Variants in GRIN2B observed in about 807,000 individuals in gnomAD.
The protein encoded by GRIN2B is glutamate ionotropic receptor NMDA type subunit 2B.
Under a neutral mutation model 114.5 loss-of-function variants are expected in GRIN2B, and 5 were observed. The ratio of observed to expected loss-of-function variants is 0.04; its 90% CI spans 0.02 to 0.09. GRIN2B has a LOEUF of 0.09. GRIN2B is among the 10% of genes least tolerant of loss of function. The pLI, the probability that GRIN2B is intolerant of heterozygous loss-of-function variation, is 1.00. For missense variants in GRIN2B, 1,108 were observed against 1,943.5 expected (o/e 0.57, Z 8.08); for synonymous variants, 787 against 745.1 (o/e 1.06, Z -0.92).
intron 3 of GRIN2B, among the ~76,000 whole-genome samples, chr12:13,774,577 T>G (rs1485490587): frequency 6.6e-6 from 1 of 152,186 alleles, no homozygotes; most frequent in Non-Finnish European, 1.5e-5. Flanking sequence ...TCTTGCAAAA[T>G]CAAGTGTACA....
In GRIN2B at chr12:13,615,032, C is replaced by A. The variant is rs1228602046; in HGVS notation, c.1654+82G>T. 1.0e-5 allele frequency: 13 copies of A among 1,267,992 alleles called. No individual in the cohort carries two copies. Among genetic ancestry groups the A allele is most frequent in the Non-Finnish European group, 1.5e-5 (13 of 865,132 alleles). The allele number at this position is 1,267,992 out of a possible 1,614,324, so 78.5% of individuals were successfully genotyped here. On this transcript the variant is annotated intron_variant, in intron 8 of 13. Coordinates refer to ENST00000609686, the MANE Select transcript of GRIN2B (RefSeq NM_000834.5). This position sits in a 1 kb window ranked among gnomAD's most constrained non-coding sequence, Gnocchi z 5.8. ...GCAAACCACCTTCTAGCTGGAACAGCCTGGCCATGTGCTCCTTTTTTCCTT... is the reference window on the plus strand; with the variant it reads ...GCAAACCACCTTCTAGCTGGAACAGACTGGCCATGTGCTCCTTTTTTCCTT...
chr12:13,897,128 G>T (rs534367045), intron 2 of GRIN2B, among the ~76,000 whole-genome samples: 3 of 152,024 alleles, frequency 2.0e-5, no homozygotes, highest in African/African-American at 7.2e-5. Flanking sequence ...CCTCCTACTC[G>T]CAACGCATCG....
intron 3 of GRIN2B, among the ~76,000 whole-genome samples, chr12:13,840,627 G>A (rs1010155006): frequency 7.2e-5 from 11 of 152,220 alleles, no homozygotes; most frequent in Admixed American, 7.2e-4. Context: ...TATAGCCACT[G>A]TAATAAAATA....
chr12:13,604,089 G>C (rs936867330), intron 10 of GRIN2B, among the ~76,000 whole-genome samples: 8 of 152,252 alleles, frequency 5.3e-5, no homozygotes, highest in African/African-American at 1.9e-4. Context: ...CATCTGGATG[G>C]GTGAGAAATA....
chr12:13,647,858 T>C (rs1031669290), intron 5 of GRIN2B, among the ~76,000 whole-genome samples: 2 of 152,084 alleles, frequency 1.3e-5, no homozygotes, highest in African/African-American at 4.8e-5. Context: ...GGTTCCATGC[T>C]CTGGGTTAAT....
intron 5 of GRIN2B, among the ~76,000 whole-genome samples, chr12:13,640,067 G>A (rs534398918): frequency 1.3e-5 from 2 of 152,154 alleles, no homozygotes; most frequent in African/African-American, 4.8e-5. Flanking sequence ...GAGGAAGAGG[G>A]ATACCAGGCC....
At chr12:13,949,052 G>A (rs977358556) in intron 2 of GRIN2B, among the ~76,000 whole-genome samples, 1 of 152,274 alleles carries the variant, frequency 6.6e-6, no homozygotes, top group East Asian at 1.9e-4. Context: ...CAGGCTATTA[G>A]TCCCTGCAGC....
chr12:13,651,505 G>C (rs1366976827), intron 5 of GRIN2B, among the ~76,000 whole-genome samples: 1 of 152,030 alleles, frequency 6.6e-6, no homozygotes, highest in Non-Finnish European at 1.5e-5. Flanking sequence ...AGCATAAAAT[G>C]GTGGCTCAAT....
Position 13,750,787 on chromosome 12 carries a change from A to G in GRIN2B, c.1010+2530T>C, listed in dbSNP as rs552643842. Among the ~76,000 whole-genome samples, 9 of 152,314 alleles carry G rather than the reference A, an allele frequency of 5.9e-5. 1 individual carries two copies. In the South Asian group the frequency reaches 1.9e-3, roughly 32 times the overall value. On this transcript the variant is annotated intron_variant, in intron 4 of 13. Transcript: ENST00000609686. ...CGTCATTCACTTCCGTGTGCCATGC[A>G]CTGTGCAGGAAATGGGGTCAGAGAA... is the stretch of plus-strand genomic sequence containing the variant.
chr12:13,933,754 T>A (rs1867080005), intron 2 of GRIN2B, among the ~76,000 whole-genome samples: 1 of 152,204 alleles, frequency 6.6e-6, no homozygotes, highest in Admixed American at 6.5e-5. Context: ...TGCAGGTGCA[T>A]GGCCAAGTTG....
At position 13,573,276 on chromosome 12, in the gene GRIN2B, C is replaced by A. The variant is rs1379803407; in HGVS notation, c.2011-1312G>T. On this transcript the variant is annotated intron_variant, in intron 10 of 13. Coordinates refer to ENST00000609686, the MANE Select transcript of GRIN2B (RefSeq NM_000834.5). ...ACCATCCTGGCTAACATGGTGAAAC[C>A]CCGTCTCTACTAAAAATACAAAAAA... is the stretch of plus-strand genomic sequence containing the variant. 4.0e-5 allele frequency among the ~76,000 whole-genome samples: 6 copies of A among 148,846 alleles called. 1 individual carries two copies. Among genetic ancestry groups the A allele is most frequent in the Admixed American group, 4.0e-4 (6 of 15,054 alleles).
chr12:13,606,114 A>G lies in GRIN2B; in HGVS notation c.2010+2489T>C, dbSNP rs572629326. Among the ~76,000 whole-genome samples the G allele has an allele frequency of 9.0e-4, 137 of 152,346 alleles. 1 individual carries two copies. The highest frequency in any genetic ancestry group is 9.6e-4 in the Non-Finnish European group (65 of 68,034). On this transcript the variant is annotated intron_variant, in intron 10 of 13. Coordinates refer to ENST00000609686, the MANE Select transcript of GRIN2B (RefSeq NM_000834.5). ...TGCCATACCTCTGACAAGTCTACAC[A>G]TGGGGCATGGCCCATCAAGTTTCTG...
At position 13,542,756 on chromosome 12, in the gene GRIN2B, T is replaced by A. The variant is rs1384879835; in HGVS notation, c.*20027A>T. The A allele has an allele frequency of 6.6e-6, 1 of 152,316 alleles. No individual in the cohort carries two copies. The highest frequency in any genetic ancestry group is 1.5e-5 in the Non-Finnish European group (1 of 68,106). 9.4% of individuals were successfully genotyped at this position (152,316 alleles called of 1,614,324 possible). On this transcript the variant is annotated 3_prime_UTR_variant, in exon 14 of 14. Transcript: ENST00000609686. ...CCTTTACCAACTCCCAAATCCTGCC[T>A]AAGAATCAGTGGTTCATCACCAGCC...
rs1303618325 is a variant in GRIN2B at position 13,549,785 on chromosome 12, C to T, written c.*12998G>A. The T allele has an allele frequency of 6.6e-6, 1 of 152,140 alleles. No homozygotes were observed. The highest frequency in any genetic ancestry group is 1.5e-5 in the Non-Finnish European group (1 of 68,020). 9.4% of individuals were successfully genotyped at this position (152,140 alleles called of 1,614,324 possible). On this transcript the variant is annotated 3_prime_UTR_variant, in exon 14 of 14. Transcript: ENST00000609686. The stretch of plus-strand genomic sequence containing the variant: ...GACCAAGTTTTCTTCACCGTGGAAA[C>T]CTCTCTAACCTTTCTGATTTTCAAA...
intron 3 of GRIN2B, among the ~76,000 whole-genome samples, chr12:13,835,895 T>C (rs1865254179): frequency 6.6e-6 from 1 of 151,370 alleles, no homozygotes; most frequent in Non-Finnish European, 1.5e-5. Context: ...TTAAACATCA[T>C]GTTAAATAGT....
chr12:13,573,125 A>C (rs1948727417), intron 10 of GRIN2B, among the ~76,000 whole-genome samples: 1 of 149,290 alleles, frequency 6.7e-6, no homozygotes. Flanking sequence ...AATTTTCAAG[A>C]ATGTTGTGAG....
intron 2 of GRIN2B, among the ~76,000 whole-genome samples, chr12:13,942,993 T>C (rs536893780): frequency 1.3e-5 from 2 of 152,098 alleles, no homozygotes; most frequent in East Asian, 1.9e-4. Flanking sequence ...TCCCGGTTCA[T>C]GGAGAAAAGC....
At chr12:13,871,150 G>T (rs775630469) in intron 2 of GRIN2B, among the ~76,000 whole-genome samples, 1 of 151,912 alleles carries the variant, frequency 6.6e-6, no homozygotes, top group Non-Finnish European at 1.5e-5. Flanking sequence ...AGACATAAAA[G>T]ATTTTTTTAA....
chr12:13,862,192 C>T (rs1167812472), intron 3 of GRIN2B, among the ~76,000 whole-genome samples: 1 of 152,134 alleles, frequency 6.6e-6, no homozygotes, highest in Non-Finnish European at 1.5e-5. Flanking sequence ...AATGTTCTTA[C>T]TGATTAATTA....
Sources: allele counts gnomAD v4.1 joint callset (sites outside exome capture counted in the v4.1 genomes callset), GRCh38; gene constraint gnomAD v4.1.1; non-coding constraint Gnocchi (gnomAD v3.1); transcripts MANE v1.5; gene names NCBI Gene and HGNC (gene_info 2026-07-23, HGNC 2026-07-21).